Variants in VPS13B observed in about 807,000 individuals in gnomAD.
VPS13B encodes the protein intermembrane lipid transfer protein VPS13B.
A neutral mutation model predicts 426.4 loss-of-function variants in VPS13B; 285 were observed. The observed-to-expected ratio is 0.67, with a 90% CI of 0.61 to 0.74. The LOEUF (loss-of-function observed/expected upper bound fraction) is 0.74. VPS13B is among the 30% of genes least tolerant of loss of function. The pLI is 0.00. For synonymous variants in VPS13B, 1,676 were observed against 1,676.4 expected (o/e 1.00, Z 0.01); for missense variants, 4,537 against 4,782.6 (o/e 0.95, Z 1.51).
At chr8:99,432,515 C>T (rs1237066236) in intron 22 of VPS13B, among the ~76,000 whole-genome samples, 13 of 152,096 alleles carry the variant, frequency 8.5e-5, no homozygotes, top group Non-Finnish European at 4.4e-5. Flanking sequence ...AAGCAACTCA[C>T]TTTTTGAAAC....
chr8:99,099,025 T>G (rs1161959589), intron 4 of VPS13B, among the ~76,000 whole-genome samples: 6 of 152,140 alleles, frequency 3.9e-5, no homozygotes, highest in Non-Finnish European at 7.4e-5. Flanking sequence ...TTTTTTCCCT[T>G]TATTTCATTG....
intron 30 of VPS13B, among the ~76,000 whole-genome samples, chr8:99,526,040 T>G (rs989842608): frequency 4.6e-5 from 7 of 150,684 alleles, no homozygotes; most frequent in Admixed American, 1.3e-4. Context: ...TATCCACACA[T>G]GCAGAATTTT....
intron 2 of VPS13B, among the ~76,000 whole-genome samples, chr8:99,020,110 C>T (rs192671086): frequency 5.4e-4 from 81 of 151,240 alleles, no homozygotes; most frequent in African/African-American, 1.7e-3. Flanking sequence ...TGCAAAGGTT[C>T]GAAGTGCTCC....
rs555030462 is a variant in VPS13B, at chr8:99,594,515, A to G, written c.5220+16882A>G. Among the ~76,000 whole-genome samples the G allele has an allele frequency of 1.2e-4, 18 of 152,050 alleles. 1 individual carries two copies. In the South Asian group the frequency reaches 2.9e-3, roughly 25 times the overall value. On this transcript the variant is annotated intron_variant, in intron 33 of 61. Transcript: ENST00000357162. The stretch of plus-strand genomic sequence containing the variant: ...CATCTCTTTTTCTATCTACTACATT[A>G]TATCTTGCCCAAGATCCTTCTCCTG...
chr8:99,404,599 G>A (rs1038139259), intron 21 of VPS13B, among the ~76,000 whole-genome samples: 6 of 151,886 alleles, frequency 4.0e-5, no homozygotes, highest in Non-Finnish European at 8.8e-5. Context: ...TGTCTAACTT[G>A]TAGAAATTTT....
intron 3 of VPS13B, among the ~76,000 whole-genome samples, chr8:99,074,938 G>T (rs1361701599): frequency 6.6e-6 from 1 of 152,052 alleles, no homozygotes; most frequent in Non-Finnish European, 1.5e-5. Context: ...CTCCTGGCCT[G>T]CAGTTTTTTA....
chr8:99,247,746 C>T (rs1359544163), intron 17 of VPS13B, among the ~76,000 whole-genome samples: 1 of 152,068 alleles, frequency 6.6e-6, no homozygotes, highest in Non-Finnish European at 1.5e-5. Flanking sequence ...ACATACATGT[C>T]TTCTATATTC....
At chr8:99,828,393 CGTTTTTTTTTTTTTTT>C (rs1814828631) in intron 51 of VPS13B, among the ~76,000 whole-genome samples, 1 of 50,128 alleles carries the variant, frequency 2.0e-5, no homozygotes. Context: ...TTACAACCAC[CGTTTTTTTTTTTTTTT>C]TTTTTTTTTT....
At chr8:99,319,680 ACTGT>A (rs1377322844) in intron 19 of VPS13B, among the ~76,000 whole-genome samples, 2 of 152,172 alleles carry the variant, frequency 1.3e-5, no homozygotes, top group Admixed American at 6.5e-5. Flanking sequence ...TATAGAATTG[ACTGT>A]CTGTAGAACA....
At chr8:99,245,890 G>T (rs1056933487) in intron 17 of VPS13B, among the ~76,000 whole-genome samples, 1 of 152,118 alleles carries the variant, frequency 6.6e-6, no homozygotes, top group African/African-American at 2.4e-5. Flanking sequence ...TTATTTTACT[G>T]TCTCTCATTT....
chr8:99,782,599 G>A (rs1403122484), intron 42 of VPS13B, among the ~76,000 whole-genome samples: 2 of 151,834 alleles, frequency 1.3e-5, no homozygotes, highest in Admixed American at 1.3e-4. Flanking sequence ...CAAGCAGAGG[G>A]AAGGCTCTGA....
intron 56 of VPS13B, among the ~76,000 whole-genome samples, chr8:99,857,252 G>A (rs567638604): frequency 3.2e-4 from 48 of 152,312 alleles, no homozygotes; most frequent in African/African-American, 1.0e-3. Flanking sequence ...GCAAGAGGCC[G>A]AGGCGGATTC....
chr8:99,152,280 A>T (rs986110994), intron 14 of VPS13B, among the ~76,000 whole-genome samples: 1 of 152,172 alleles, frequency 6.6e-6, no homozygotes, highest in African/African-American at 2.4e-5. Flanking sequence ...GTTCTTTAGA[A>T]GTATTTTATT....
chr8:99,160,885 C>A (rs900316019), intron 15 of VPS13B, among the ~76,000 whole-genome samples: 2 of 152,104 alleles, frequency 1.3e-5, no homozygotes, highest in Non-Finnish European at 2.9e-5. Context: ...TGTTTTCAGA[C>A]CATTGCAGAC....
At chr8:99,566,682 A>G (rs1392106604) in intron 31 of VPS13B, among the ~76,000 whole-genome samples, 11 of 152,180 alleles carry the variant, frequency 7.2e-5, no homozygotes, top group Admixed American at 5.2e-4. Context: ...ACCTCAGGTG[A>G]TCCACCAGCC....
At chr8:99,275,289 C>CTTTTTT in intron 19 of VPS13B, 35 bp downstream of exon 19, 3 of 1,195,392 alleles carry the variant, frequency 2.5e-6, no homozygotes, top group South Asian at 1.9e-5. Flanking sequence ...CCTTGTTTTG[C>CTTTTTT]TTTTTTTTTT....
intron 28 of VPS13B, among the ~76,000 whole-genome samples, chr8:99,508,714 G>A (rs190091028): frequency 2.4e-4 from 36 of 151,732 alleles, no homozygotes; most frequent in African/African-American, 8.0e-4. Flanking sequence ...TAAATTTATC[G>A]TTAATGTTCT....
At chr8:99,102,859 A>G in intron 4 of VPS13B, 94 bp from the exon 5 acceptor site, 3 of 1,237,058 alleles carry the variant, frequency 2.4e-6, no homozygotes, top group East Asian at 2.4e-5. Flanking sequence ...AATAATAACC[A>G]CCTTTCTCAT....
At chr8:99,438,025 T>C (rs779121695) in intron 22 of VPS13B, among the ~76,000 whole-genome samples, 1 of 149,148 alleles carries the variant, frequency 6.7e-6, no homozygotes, top group Non-Finnish European at 1.5e-5. Flanking sequence ...ACTAGCATTT[T>C]CTTTTCCTCT....
Sources: gnomAD v4.1 joint callset for allele counts (sites outside exome capture counted in the v4.1 genomes callset) on GRCh38, gnomAD v4.1.1 for gene constraint, MANE v1.5 for transcripts, NCBI Gene and HGNC (gene_info 2026-07-23, HGNC 2026-07-21) for gene names.